HSF1: variants seen among roughly 807,000 people sequenced by gnomAD.
HSF1 encodes heat shock transcription factor 1.
Under a neutral mutation model 51.7 loss-of-function variants are expected in HSF1, and 32 were observed. That is an observed-to-expected ratio of 0.62 (90% CI 0.47 to 0.83). The LOEUF (loss-of-function observed/expected upper bound fraction) is 0.83. Ranked by LOEUF, HSF1 falls within the 40% of genes least tolerant of loss-of-function variation. The probability of loss-of-function intolerance (pLI) is 0.00; values close to 1 mark genes in which losing one functional copy is unlikely to be tolerated. For missense variants in HSF1, 727 were observed against 717.0 expected (o/e 1.01, Z -0.16); for synonymous variants, 396 against 309.7 (o/e 1.28, Z -2.92).
chr8:144,312,299 G>A, intron 9 of HSF1, 55 bp downstream of exon 9: 1 of 1,289,702 alleles, frequency 7.8e-7, no homozygotes, highest in Non-Finnish European at 1.1e-6. Flanking sequence ...ACAGCCCTGG[G>A]CTTCAGCCCC....
intron 1 of HSF1, among the ~76,000 whole-genome samples, chr8:144,304,739 C>T (rs1013440975): frequency 2.0e-5 from 3 of 151,796 alleles, no homozygotes; most frequent in Admixed American, 1.3e-4. Flanking sequence ...TTCTACCTCC[C>T]GGGTTCAAGC....
chr8:144,294,687 C>T (rs1451851179), intron 1 of HSF1, among the ~76,000 whole-genome samples: 2 of 152,244 alleles, frequency 1.3e-5, no homozygotes, highest in East Asian at 3.9e-4. Context: ...AGGCAGAATG[C>T]CGGGTCACTG....
In HSF1 at chr8:144,309,292, C is replaced by T; in HGVS notation, c.227-163C>T. ...GAGCCCTGTGGGGACACAGGGTCTC[C>T]CTTAGACCAAGGCCACTCGGCCACC... On this transcript the variant is annotated intron_variant, in intron 2 of 12. Transcript: ENST00000528838. The T allele has an allele frequency of 8.6e-6, 8 of 932,728 alleles. No individual in the cohort carries two copies. In the South Asian group the frequency reaches 1.3e-4, roughly 15 times the overall value. The allele number at this position is 932,728 out of a possible 1,614,324, so 57.8% of individuals were successfully genotyped here.
intron 1 of HSF1, 131 bp from the exon 2 acceptor site, chr8:144,308,775 C>T: frequency 2.7e-6 from 2 of 742,882 alleles, no homozygotes; most frequent in South Asian, 3.1e-5. Context: ...CCCTGGGCCT[C>T]CCATGGCCCC....
intron 9 of HSF1, chr8:144,312,721 G>C: frequency 6.5e-7 from 1 of 1,534,420 alleles, no homozygotes; most frequent in Non-Finnish European, 8.7e-7. Flanking sequence ...GGTTAGCGCT[G>C]ACCCCACTGG....
At chr8:144,311,086 G>A (rs968853280) in intron 4 of HSF1, 88 bp from the exon 5 acceptor site, 4 of 1,246,568 alleles carry the variant, frequency 3.2e-6, no homozygotes, top group African/African-American at 1.5e-5. Flanking sequence ...CCCTGCTCCT[G>A]CATGGGGGAC....
At chr8:144,311,144 G>T in intron 4 of HSF1, 30 bp from the exon 5 acceptor site, 1 of 1,570,284 alleles carries the variant, frequency 6.4e-7, no homozygotes. Flanking sequence ...ATGGGATTGG[G>T]CCCCACTGAC....
At chr8:144,305,748 T>TTC (rs1397890247) in intron 1 of HSF1, among the ~76,000 whole-genome samples, 51 of 146,284 alleles carry the variant, frequency 3.5e-4, no homozygotes, top group African/African-American at 1.1e-3. Flanking sequence ...TTTTTTTTTT[T>TTC]TTGAGACGGA....
intron 1 of HSF1, among the ~76,000 whole-genome samples, chr8:144,308,239 A>C (rs544177938): frequency 6.6e-6 from 1 of 152,148 alleles, no homozygotes; most frequent in Non-Finnish European, 1.5e-5. Flanking sequence ...CTGTCCCCTA[A>C]GCCTTCGATG....
intron 1 of HSF1, among the ~76,000 whole-genome samples, chr8:144,295,465 A>G (rs1554841128): frequency 6.6e-6 from 1 of 152,280 alleles, no homozygotes; most frequent in Non-Finnish European, 1.5e-5. Flanking sequence ...TGCTAGAATG[A>G]TGGTCACGCA....
chr8:144,311,720 C>A lies in HSF1; in HGVS notation c.744C>A (p.Ser248Arg). The change falls in exon 8 of 13, where the codon AGC becomes AGA. Residue 248 changes from serine to arginine, a missense_variant. Ser to Arg is a moderately radical substitution (Grantham distance 110). Transcript: ENST00000528838. ...TGCAGGCCCCCTCCCCAGCCTACAG[C>A]AGCTCCAGCCTCTACGCCCCTGATG... ...GPYSAPSPAY[S>R]SSSLYAPDAV... is the part of the protein sequence containing the mutation. 1 of 1,611,666 alleles carries A rather than the reference C, an allele frequency of 6.2e-7. No homozygotes were observed. Among genetic ancestry groups the A allele is most frequent in the Admixed American group, 1.7e-5 (1 of 59,836 alleles).
chr8:144,308,180 C>A (rs1194257771), intron 1 of HSF1, among the ~76,000 whole-genome samples: 1 of 152,212 alleles, frequency 6.6e-6, no homozygotes, highest in Admixed American at 6.5e-5. Context: ...CCCCTCACCC[C>A]TCTCTGGCCC....
At chr8:144,295,610 G>A (rs1304752982) in intron 1 of HSF1, among the ~76,000 whole-genome samples, 1 of 152,250 alleles carries the variant, frequency 6.6e-6, no homozygotes, top group Non-Finnish European at 1.5e-5. Context: ...CTGGAGTGCA[G>A]GGCTATGATT....
At chr8:144,312,359 C>G in intron 9 of HSF1, 115 bp downstream of exon 9, 1 of 848,910 alleles carries the variant, frequency 1.2e-6, no homozygotes, top group East Asian at 2.7e-5. Context: ...GGACCCTACC[C>G]CCAACCTCGG....
At chr8:144,309,337 G>T in intron 2 of HSF1, 118 bp from the exon 3 acceptor site, 1 of 1,420,840 alleles carries the variant, frequency 7.0e-7, no homozygotes, top group Non-Finnish European at 9.7e-7. Context: ...GCTCTGAGGG[G>T]GCAGGGCAGG....
intron 1 of HSF1, among the ~76,000 whole-genome samples, chr8:144,294,757 T>C (rs1815343114): frequency 6.6e-6 from 1 of 150,440 alleles, no homozygotes; most frequent in African/African-American, 2.4e-5. Flanking sequence ...TTGTTTGATT[T>C]CCCACCCCCC....
intron 4 of HSF1, chr8:144,310,244 G>A (rs1181419454): frequency 2.2e-5 from 5 of 230,056 alleles, no homozygotes; most frequent in East Asian, 1.1e-4. Flanking sequence ...CACCCGCCTC[G>A]GGCCTGGGGT....
chr8:144,311,408 C>T (rs1554844387), intron 6 of HSF1, 26 bp downstream of exon 6: 2 of 1,613,588 alleles, frequency 1.2e-6, no homozygotes, highest in Non-Finnish European at 1.7e-6. Context: ...TGCCTGCATC[C>T]ACCACCCGGG....
Position 144,291,845 on chromosome 8 carries a change from G to C in HSF1, c.88G>C (p.Asp30His). The change falls in exon 1 of 13, where the codon GAC becomes CAC. Residue 30 changes from aspartate to histidine, a missense_variant. Asp to His is a moderately conservative substitution (Grantham distance 81). Around this residue, in one of 2 missense-constraint regions of HSF1, gnomAD observed 257 missense variants for 318.3 expected, o/e 0.81. Transcript: ENST00000528838. This position sits in a 1 kb window ranked among gnomAD's most constrained non-coding sequence, Gnocchi z 4.1. ...GCTGTGGACCCTCGTGAGCGACCCG[G>C]ACACCGACGCGCTCATCTGCTGGAG... ...TKLWTLVSDP[D>H]TDALICWSPS... The C allele has an allele frequency of 1.9e-6, 3 of 1,548,880 alleles. No individual in the cohort carries two copies. Among genetic ancestry groups the C allele is most frequent in the Non-Finnish European group, 2.6e-6 (3 of 1,152,930 alleles).
Sources: gnomAD v4.1 joint callset for allele counts (sites outside exome capture counted in the v4.1 genomes callset) on GRCh38, gnomAD v4.1.1 for gene constraint, gnomAD v4.1.1 regional missense constraint, Gnocchi (gnomAD v3.1) non-coding constraint, MANE v1.5 for transcripts, NCBI Gene and HGNC (gene_info 2026-07-23, HGNC 2026-07-21) for gene names.